The following FARP2 variants were observed in gnomAD, a reference collection of about 807,000 sequenced individuals.
The protein encoded by FARP2 is FERM, ARHGEF and pleckstrin domain-containing protein 2.
FARP2 carries 111 observed loss-of-function variants against 130.5 expected under a neutral mutation model. The ratio of observed to expected loss-of-function variants is 0.85; its 90% CI spans 0.73 to 1.00. The LOEUF (loss-of-function observed/expected upper bound fraction) is 1.00. Among genes scored for constraint, FARP2 ranks in the 50% least tolerant of loss-of-function variants. The pLI, the probability that FARP2 is intolerant of heterozygous loss-of-function variation, is 0.00. For missense variants in FARP2, 1,385 were observed against 1,346.3 expected (o/e 1.03, Z -0.45); for synonymous variants, 504 against 516.9 (o/e 0.98, Z 0.34).
At chr2:241,375,007 C>T (rs1055947820) in intron 2 of FARP2, among the ~76,000 whole-genome samples, 2 of 152,204 alleles carry the variant, frequency 1.3e-5, no homozygotes, top group African/African-American at 2.4e-5. Flanking sequence ...AGTGCCACGG[C>T]ATGATCTCGG....
chr2:241,360,101 G>A (rs112996003), intron 1 of FARP2, among the ~76,000 whole-genome samples: 1 of 152,068 alleles, frequency 6.6e-6, no homozygotes, highest in African/African-American at 2.4e-5. Context: ...ATATATATTA[G>A]GTACTCTCTT....
intron 21 of FARP2, among the ~76,000 whole-genome samples, chr2:241,486,183 C>T (rs1045738037): frequency 3.3e-5 from 5 of 152,032 alleles, no homozygotes; most frequent in Admixed American, 6.5e-5. Flanking sequence ...CTGTGGCTCA[C>T]GCCTGTAATG....
chr2:241,404,602 T>A (rs2062281794), intron 3 of FARP2, among the ~76,000 whole-genome samples, 197 bp from the exon 4 acceptor site: 1 of 152,234 alleles, frequency 6.6e-6, no homozygotes. Flanking sequence ...CGTCTTCCCA[T>A]GCTTCCCAAA....
chr2:241,382,761 T>G (rs1030615043), intron 2 of FARP2, among the ~76,000 whole-genome samples: 4 of 152,234 alleles, frequency 2.6e-5, no homozygotes, highest in Non-Finnish European at 5.9e-5. Context: ...GGTGTTCATT[T>G]CTCTCACCTT....
intron 18 of FARP2, among the ~76,000 whole-genome samples, chr2:241,473,018 G>C (rs566961769): frequency 2.2e-4 from 33 of 150,644 alleles, no homozygotes; most frequent in Middle Eastern, 7.0e-3. Context: ...GCTCTATGTG[G>C]CCTCTGTTCC....
At chr2:241,427,890 C>G (rs1044685905) in intron 8 of FARP2, among the ~76,000 whole-genome samples, 3 of 151,928 alleles carry the variant, frequency 2.0e-5, no homozygotes, top group South Asian at 4.2e-4. Context: ...CTCAGCCTCC[C>G]GAGTAGCTGG....
chr2:241,449,135 T>C (rs3771576), intron 13 of FARP2, among the ~76,000 whole-genome samples: 116,409 of 152,078 alleles, frequency 0.77, 44,775 homozygotes, highest in Middle Eastern at 0.85. Flanking sequence ...ATCCCTTGGA[T>C]AGTTCCACAT....
At position 241,413,319 on chromosome 2, in the gene FARP2, A is replaced by T. The variant is rs999561525; in HGVS notation, c.521A>T (p.Asp174Val). 6.2e-7 allele frequency: 1 copy of T among 1,606,834 alleles called. No individual in the cohort carries two copies. The highest frequency in any genetic ancestry group is 8.5e-7 in the Non-Finnish European group (1 of 1,176,454). Reference protein sequence around the residue: ...TSHLLQSEIGDYDETLDREHL... With the variant: ...TSHLLQSEIGVYDETLDREHL... ...TAACCTATCTCAGCGGAAATAGGAGATTACGATGAAACGCTGGACCGAGAG... is the reference window on the plus strand; with the variant it reads ...TAACCTATCTCAGCGGAAATAGGAGTTTACGATGAAACGCTGGACCGAGAG... The change falls in exon 7 of 27, where the codon GAT becomes GTT. Residue 174 changes from aspartate to valine, a missense_variant. Physicochemically the swap from Asp to Val is radical, Grantham distance 152 (BLOSUM62 -3). Transcript: ENST00000264042.
At chr2:241,477,902 A>T (rs1235145364) in intron 19 of FARP2, 4 of 152,812 alleles carry the variant, frequency 2.6e-5, no homozygotes, top group African/African-American at 7.2e-5. Flanking sequence ...CTTTTATTTT[A>T]TTCAGAAATT....
At chr2:241,455,315 G>A (rs946653767) in intron 13 of FARP2, among the ~76,000 whole-genome samples, 3 of 152,188 alleles carry the variant, frequency 2.0e-5, no homozygotes, top group African/African-American at 4.8e-5. Context: ...AGCAATCATC[G>A]TTAGAAATCA....
At chr2:241,371,581 T>C (rs1242908194) in intron 1 of FARP2, among the ~76,000 whole-genome samples, 1 of 152,178 alleles carries the variant, frequency 6.6e-6, no homozygotes. Context: ...TAAGTTGTCG[T>C]GCAAGGGGAC....
At chr2:241,455,286 A>AC (rs1361062634) in intron 13 of FARP2, among the ~76,000 whole-genome samples, 2 of 152,216 alleles carry the variant, frequency 1.3e-5, no homozygotes, top group Non-Finnish European at 2.9e-5. Context: ...TTCTGTTGCA[A>AC]CATTTGGTAA....
intron 7 of FARP2, among the ~76,000 whole-genome samples, chr2:241,416,860 G>A (rs767210944): frequency 6.6e-6 from 1 of 152,176 alleles, no homozygotes; most frequent in Admixed American, 6.5e-5. Flanking sequence ...AGTGAGCCAA[G>A]ATTATGCCAC....
chr2:241,417,924 G>A (rs749287920), intron 7 of FARP2, 38 bp from the exon 8 acceptor site: 6 of 1,610,336 alleles, frequency 3.7e-6, no homozygotes, highest in Admixed American at 1.7e-5. Flanking sequence ...CAGAAATCAA[G>A]TGTTTGTAGT....
rs1559768032 is a variant in FARP2 at position 241,436,501 on chromosome 2, CG to C, written c.1122del (p.Ser375ProfsTer5). On this transcript the variant is annotated frameshift_variant, in exon 12 of 27. Coordinates refer to ENST00000264042, the MANE Select transcript of FARP2 (RefSeq NM_014808.4). LOFTEE classifies it high-confidence loss of function. ...PYERRHSKTH[T>X]SVRALTADLP... Reference sequence around the variant, plus strand: ...TGCAGAAGGCACAGCAAGACCCACACGTCCGTTCGAGCTCTGACTGCAGACC... The same window carrying C: ...TGCAGAAGGCACAGCAAGACCCACACTCCGTTCGAGCTCTGACTGCAGACC... 1 of 1,614,216 alleles carries C rather than the reference CG, an allele frequency of 6.2e-7. No homozygotes were observed. Among genetic ancestry groups the C allele is most frequent in the South Asian group, 1.1e-5 (1 of 91,084 alleles).
intron 21 of FARP2, among the ~76,000 whole-genome samples, chr2:241,485,779 T>G (rs989425552): frequency 6.6e-6 from 1 of 150,784 alleles, no homozygotes; most frequent in African/African-American, 2.5e-5. Flanking sequence ...GGATTTTCCC[T>G]CCCCATGGTC....
chr2:241,371,196 G>A (rs549597876), intron 1 of FARP2, among the ~76,000 whole-genome samples: 1 of 152,290 alleles, frequency 6.6e-6, no homozygotes, highest in South Asian at 2.1e-4. Flanking sequence ...AGATTAAAAA[G>A]GTTCTTTTCT....
chr2:241,493,358 T>C lies in FARP2; in HGVS notation c.2961T>C (p.Asp987=), dbSNP rs769442983. 6.2e-7 allele frequency: 1 copy of C among 1,613,916 alleles called. No individual in the cohort carries two copies. Among genetic ancestry groups the C allele is most frequent in the African/African-American group, 1.3e-5 (1 of 74,936 alleles). ...GYSVSIPREA[D]GIHKDYVFKL... is the part of the protein sequence containing the mutation. The stretch of plus-strand genomic sequence containing the variant: ...GCGTGAGCATCCCCAGGGAGGCCGA[T>C]GGCATACACAAAGACTATGTTTTCA... The change falls in exon 26 of 27, where the codon GAT becomes GAC. Residue 987 remains aspartate, a synonymous_variant. Transcript: ENST00000264042.
chr2:241,442,983 A>G (rs1305701689), intron 13 of FARP2: 2 of 195,662 alleles, frequency 1.0e-5, no homozygotes, highest in Non-Finnish European at 2.1e-5. Context: ...TTGTCCAGCC[A>G]CTGCGCTACA....
Sources: gnomAD v4.1 joint callset for allele counts (sites outside exome capture counted in the v4.1 genomes callset) on GRCh38, gnomAD v4.1.1 for gene constraint, MANE v1.5 for transcripts, NCBI Gene and HGNC (gene_info 2026-07-23, HGNC 2026-07-21) for gene names.